SYT14: variants seen among roughly 807,000 people sequenced by gnomAD.
SYT14 encodes the protein synaptotagmin-14.
A neutral mutation model predicts 74.2 loss-of-function variants in SYT14; 32 were observed. That is an observed-to-expected ratio of 0.43 (90% CI 0.33 to 0.58). The LOEUF (loss-of-function observed/expected upper bound fraction) is 0.58. Ranked by LOEUF, SYT14 falls within the 20% of genes least tolerant of loss-of-function variation. The pLI is 0.05. For missense variants in SYT14, 791 were observed against 981.8 expected, an observed-to-expected ratio of 0.81 and a Z score of 2.60; for synonymous variants, 298 against 337.7, an observed-to-expected ratio of 0.88 and a Z score of 1.29.
At chr1:210,088,458 T>C (rs772902780) in intron 5 of SYT14, among the ~76,000 whole-genome samples, 13 of 152,062 alleles carry the variant, frequency 8.5e-5, no homozygotes, top group Non-Finnish European at 1.5e-4. Flanking sequence ...TGTTTGGTTT[T>C]CTGTTCCTGT....
exon 1 of SYT14, chr1:209,938,270 G>T: frequency 6.4e-7 from 1 of 1,563,426 alleles, no homozygotes; most frequent in Non-Finnish European, 8.7e-7. Context: ...GCATCATGGC[G>T]ATTGAAGGTA....
At chr1:210,041,316 A>C (rs972287908) in intron 5 of SYT14, among the ~76,000 whole-genome samples, 2 of 152,186 alleles carry the variant, frequency 1.3e-5, no homozygotes, top group Non-Finnish European at 2.9e-5. Context: ...TATGGTGGCT[A>C]CTTGCTTGGG....
chr1:209,976,764 A>G (rs556624182), intron 2 of SYT14, among the ~76,000 whole-genome samples: 5 of 151,974 alleles, frequency 3.3e-5, no homozygotes, highest in Non-Finnish European at 5.9e-5. Flanking sequence ...ATCCTTGTTA[A>G]CTTTCTGTCT....
At chr1:210,055,895 T>G (rs2081087327) in intron 5 of SYT14, among the ~76,000 whole-genome samples, 1 of 152,180 alleles carries the variant, frequency 6.6e-6, no homozygotes, top group South Asian at 2.1e-4. Flanking sequence ...CCAGTTCACC[T>G]TTAACCATTT....
chr1:209,963,895 A>G (rs1334644118), intron 2 of SYT14, among the ~76,000 whole-genome samples: 2 of 152,152 alleles, frequency 1.3e-5, no homozygotes, highest in Admixed American at 6.5e-5. Context: ...TGAGGGAAGG[A>G]TCCAGCTTTA....
At position 209,968,286 on chromosome 1, in the gene SYT14, G is replaced by T. The variant is rs79190583; in HGVS notation, c.-486+15530G>T. Among the ~76,000 whole-genome samples the T allele has an allele frequency of 5.5e-3, 842 of 152,062 alleles. 11 individuals are homozygous for T. Among genetic ancestry groups the T allele is most frequent in the African/African-American group, 0.02 (818 of 41,494 alleles). On this transcript the variant is annotated intron_variant, in intron 2 of 9. Coordinates refer to ENST00000637265, the Ensembl canonical transcript of SYT14. ...CCAGAGTTCATAGTTTTACATTAGGGGTCACTCTTGGTGTTCTACAGTATA... is the reference window on the plus strand; with the variant it reads ...CCAGAGTTCATAGTTTTACATTAGGTGTCACTCTTGGTGTTCTACAGTATA...
In SYT14 at chr1:210,100,009, T is replaced by C. The variant is rs534094479; in HGVS notation, c.1585-3T>C. 1.3e-4 allele frequency: 212 copies of C among 1,613,526 alleles called. 1 individual carries two copies. In the South Asian group the frequency reaches 2.0e-3, roughly 16 times the overall value. On this transcript the variant is annotated splice_polypyrimidine_tract_variant and splice_region_variant and intron_variant, in intron 6 of 9. Transcript: ENST00000637265. ...CTCTAACATTTAAATTTTCTTTTCT[T>C]AGGATATGTCAGCTCAAGGATCATC...
At chr1:210,148,841 T>C (rs1019157797) in intron 7 of SYT14, among the ~76,000 whole-genome samples, 2 of 152,176 alleles carry the variant, frequency 1.3e-5, no homozygotes, top group South Asian at 2.1e-4. Flanking sequence ...CTAACTTCTC[T>C]TTCGAGGCTT....
At chr1:210,055,708 G>A (rs1281065977) in intron 5 of SYT14, among the ~76,000 whole-genome samples, 2 of 150,948 alleles carry the variant, frequency 1.3e-5, no homozygotes, top group Non-Finnish European at 3.0e-5. Flanking sequence ...GGGAGGCTAA[G>A]GCAGGAGGAT....
At chr1:210,121,750 C>CA (rs1432760485) in intron 7 of SYT14, among the ~76,000 whole-genome samples, 2 of 149,284 alleles carry the variant, frequency 1.3e-5, no homozygotes, top group African/African-American at 4.9e-5. Flanking sequence ...GCCAAGATCG[C>CA]ACCACTGCAC....
Position 210,059,439 on chromosome 1 carries a change from T to TAGAGAG in SYT14, c.1313-34882_1313-34881insGAGAGA, listed in dbSNP as rs1394279839. On this transcript the variant is annotated intron_variant, in intron 5 of 9. Coordinates refer to ENST00000637265, the Ensembl canonical transcript of SYT14. Reference sequence around the variant, plus strand: ...GATGACAAGAAAGAATATATATATATATATATATATATAGAGAGAGAGAGA... The same window carrying TAGAGAG: ...GATGACAAGAAAGAATATATATATATAGAGAGATATATATATATAGAGAGAGAGAGA... Among the ~76,000 whole-genome samples the TAGAGAG allele has an allele frequency of 4.5e-4, 42 of 92,772 alleles. 1 individual carries two copies. The highest frequency in any genetic ancestry group is 8.6e-4 in the Admixed American group (8 of 9,298). The allele number at this position is 92,772 out of a possible 152,430, so 60.9% of individuals were successfully genotyped here.
intron 2 of SYT14, among the ~76,000 whole-genome samples, chr1:209,991,492 A>G (rs1448173997): frequency 6.6e-6 from 1 of 152,246 alleles, no homozygotes; most frequent in Non-Finnish European, 1.5e-5. Flanking sequence ...ACATTTTGCA[A>G]AGGAAGACAT....
At chr1:210,112,017 G>C (rs1572323823) in intron 7 of SYT14, among the ~76,000 whole-genome samples, 1 of 151,210 alleles carries the variant, frequency 6.6e-6, no homozygotes, top group East Asian at 1.9e-4. Flanking sequence ...GAAACTGCTT[G>C]GGAGATTTGA....
At chr1:209,971,304 C>T (rs12090781) in intron 2 of SYT14, among the ~76,000 whole-genome samples, 20,818 of 151,960 alleles carry the variant, frequency 0.14, 4,450 homozygotes, top group African/African-American at 0.46. Context: ...AGGGTTTTCT[C>T]GGCATAGCAT....
chr1:210,152,004 C>G (rs996540116), intron 7 of SYT14, among the ~76,000 whole-genome samples: 1 of 152,164 alleles, frequency 6.6e-6, no homozygotes, highest in Non-Finnish European at 1.5e-5. Flanking sequence ...AAAAATGTAT[C>G]TCACAATATT....
chr1:210,008,606 A>C (rs541547162), intron 2 of SYT14, among the ~76,000 whole-genome samples: 3 of 152,098 alleles, frequency 2.0e-5, no homozygotes, highest in Admixed American at 6.5e-5. Context: ...CAGGTGACCC[A>C]CCTGCCTCAG....
intron 7 of SYT14, among the ~76,000 whole-genome samples, chr1:210,102,617 A>C (rs2082088026): frequency 1.3e-5 from 2 of 152,100 alleles, no homozygotes. Flanking sequence ...AATTTTTGTA[A>C]GATGCAATAA....
At chr1:210,067,144 T>C (rs140756156) in intron 5 of SYT14, among the ~76,000 whole-genome samples, 165 of 152,196 alleles carry the variant, frequency 1.1e-3, no homozygotes, top group African/African-American at 3.8e-3. Context: ...CAAGTATATG[T>C]CATTGATCTA....
intron 3 of SYT14, among the ~76,000 whole-genome samples, chr1:210,015,128 G>A (rs570111585): frequency 1.4e-4 from 22 of 152,120 alleles, no homozygotes; most frequent in African/African-American, 5.1e-4. Context: ...GGGAAAAAGT[G>A]GTGAGAAGAG....
Sources: allele counts gnomAD v4.1 joint callset (sites outside exome capture counted in the v4.1 genomes callset), GRCh38; gene constraint gnomAD v4.1.1; transcripts MANE v1.5; gene names NCBI Gene and HGNC (gene_info 2026-07-23, HGNC 2026-07-21).